Variants in NLGN1 observed in about 807,000 individuals in gnomAD.
NLGN1 encodes neuroligin 1.
In NLGN1, 12 loss-of-function variants were observed where a neutral mutation model predicts 65.5. That is an observed-to-expected ratio of 0.18 (90% CI 0.12 to 0.30). The LOEUF is 0.30. Among genes scored for constraint, NLGN1 ranks in the 10% least tolerant of loss-of-function variants. NLGN1 has a pLI of 1.00. For synonymous variants in NLGN1, 350 were observed against 359.5 expected, an observed-to-expected ratio of 0.97 and a Z score of 0.30; for missense variants, 750 against 1,007.1, an observed-to-expected ratio of 0.74 and a Z score of 3.46.
At chr3:173,578,593 A>G (rs1455187490) in intron 2 of NLGN1, among the ~76,000 whole-genome samples, 1 of 152,206 alleles carries the variant, frequency 6.6e-6, no homozygotes, top group Non-Finnish European at 1.5e-5. Context: ...ACATAGACTC[A>G]AATAAACTAA....
At chr3:173,564,369 T>C (rs1204597140) in intron 2 of NLGN1, among the ~76,000 whole-genome samples, 1 of 152,242 alleles carries the variant, frequency 6.6e-6, no homozygotes. Context: ...AGTAAAACCA[T>C]CCTACTGAGA....
chr3:174,042,836 G>A, intron 4 of NLGN1, among the ~76,000 whole-genome samples: 1 of 152,176 alleles, frequency 6.6e-6, no homozygotes, highest in East Asian at 1.9e-4. Context: ...CCTGAGGCCT[G>A]TCTGAATCCA....
chr3:173,965,739 A>G (rs552312175), intron 4 of NLGN1, among the ~76,000 whole-genome samples: 19 of 152,080 alleles, frequency 1.2e-4, no homozygotes, highest in Non-Finnish European at 2.8e-4. Flanking sequence ...AATTTTTAAG[A>G]CACCTGTTGA....
chr3:174,100,437 T>C (rs888904077), intron 4 of NLGN1, among the ~76,000 whole-genome samples: 5 of 152,186 alleles, frequency 3.3e-5, no homozygotes, highest in Non-Finnish European at 7.3e-5. Flanking sequence ...ATCTTGTCTC[T>C]CTTGGTTTAA....
intron 4 of NLGN1, among the ~76,000 whole-genome samples, chr3:174,144,728 C>T (rs187323194): frequency 6.6e-6 from 1 of 152,230 alleles, no homozygotes; most frequent in Non-Finnish European, 1.5e-5. Context: ...TGAGAAGTGT[C>T]TGTTCATATC....
intron 3 of NLGN1, among the ~76,000 whole-genome samples, chr3:173,627,031 A>G (rs898920721): frequency 2.0e-5 from 3 of 152,120 alleles, no homozygotes; most frequent in Admixed American, 2.0e-4. Flanking sequence ...AGACTGGCTC[A>G]TAAGTAAACT....
At chr3:173,642,824 T>G (rs1408571080) in intron 3 of NLGN1, among the ~76,000 whole-genome samples, 4 of 152,040 alleles carry the variant, frequency 2.6e-5, no homozygotes. Context: ...GGTTGCAAAG[T>G]ATGCAAAAAA....
intron 4 of NLGN1, among the ~76,000 whole-genome samples, chr3:173,887,170 A>T (rs1212321631): frequency 6.6e-6 from 1 of 152,044 alleles, no homozygotes; most frequent in Non-Finnish European, 1.5e-5. Flanking sequence ...TTCATTTGAA[A>T]AGCTTGTAGA....
At chr3:173,539,839 T>A (rs1253403250) in intron 2 of NLGN1, among the ~76,000 whole-genome samples, 3 of 136,742 alleles carry the variant, frequency 2.2e-5, no homozygotes, top group Non-Finnish European at 3.0e-5. Flanking sequence ...GTATATATGT[T>A]ATATATATTA....
rs1299350253 is a variant in NLGN1, at chr3:174,135,229, G to A, written c.647-140086G>A. On this transcript the variant is annotated intron_variant, in intron 4 of 6. Coordinates refer to ENST00000457714, the Ensembl canonical transcript of NLGN1. Reference sequence around the variant, plus strand: ...ATCTTTATTTTAAATAGTTTATTAGGTAAATGTCTGAAAATACTGAGCAAA... The same window carrying A: ...ATCTTTATTTTAAATAGTTTATTAGATAAATGTCTGAAAATACTGAGCAAA... Among the ~76,000 whole-genome samples, 3 of 152,062 alleles carry A rather than the reference G, an allele frequency of 2.0e-5. No homozygotes were observed. The East Asian group carries it at 5.8e-4, about 29-fold the overall frequency.
chr3:174,238,479 C>T (rs140986866), intron 4 of NLGN1, among the ~76,000 whole-genome samples: 1 of 152,216 alleles, frequency 6.6e-6, no homozygotes, highest in Non-Finnish European at 1.5e-5. Context: ...TCTCCTGCCT[C>T]AGCCTTCTGA....
chr3:174,216,318 T>C (rs1191607502), intron 4 of NLGN1, among the ~76,000 whole-genome samples: 1 of 152,048 alleles, frequency 6.6e-6, no homozygotes, highest in Non-Finnish European at 1.5e-5. Flanking sequence ...GACATAGGAC[T>C]CCCCAGAAAA....
chr3:173,580,181 ATACT>A (rs1325563713), intron 2 of NLGN1, among the ~76,000 whole-genome samples: 3 of 152,130 alleles, frequency 2.0e-5, no homozygotes, highest in Non-Finnish European at 4.4e-5. Flanking sequence ...CAACAATGAA[ATACT>A]TACTCCTCTA....
chr3:174,124,570 TATACACATATATACGTATATATAC>T (rs1718471216), intron 4 of NLGN1, among the ~76,000 whole-genome samples: 1 of 147,220 alleles, frequency 6.8e-6, no homozygotes, highest in South Asian at 2.1e-4. Flanking sequence ...TATATATACG[TATACACATATATACGTATATATAC>T]GTATACATAT....
At chr3:174,025,536 G>A (rs1021032443) in intron 4 of NLGN1, among the ~76,000 whole-genome samples, 3 of 152,056 alleles carry the variant, frequency 2.0e-5, no homozygotes, top group African/African-American at 7.2e-5. Context: ...GGGACTCCAA[G>A]AGAAAATGGA....
intron 3 of NLGN1, among the ~76,000 whole-genome samples, chr3:173,777,659 A>G (rs924012843): frequency 2.3e-5 from 3 of 132,960 alleles, no homozygotes; most frequent in African/African-American, 5.3e-5. Context: ...CTATCTATCT[A>G]TCTATCTATC....
chr3:174,071,566 C>T (rs1251444617), intron 4 of NLGN1, among the ~76,000 whole-genome samples: 2 of 151,698 alleles, frequency 1.3e-5, no homozygotes, highest in Admixed American at 1.3e-4. Flanking sequence ...ATTAGCTGGG[C>T]GTGGTGGTAT....
At chr3:174,176,632 C>T (rs1050916171) in intron 4 of NLGN1, among the ~76,000 whole-genome samples, 5 of 151,886 alleles carry the variant, frequency 3.3e-5, no homozygotes, top group Admixed American at 6.6e-5. Context: ...TCTGTTTGTT[C>T]AAATGCAGAA....
At chr3:174,107,017 C>CACAGAGAGAGAGAGAG (rs773314392) in intron 4 of NLGN1, among the ~76,000 whole-genome samples, 2 of 97,642 alleles carry the variant, frequency 2.0e-5, no homozygotes, top group African/African-American at 8.4e-5. Flanking sequence ...CACACACACA[C>CACAGAGAGAGAGAGAG]AGAGAGAGAG....
Sources: gnomAD v4.1 joint callset for allele counts (sites outside exome capture counted in the v4.1 genomes callset) on GRCh38, gnomAD v4.1.1 for gene constraint, MANE v1.5 for transcripts, NCBI Gene and HGNC (gene_info 2026-07-23, HGNC 2026-07-21) for gene names.